TSHZ1: variants seen among roughly 807,000 people sequenced by gnomAD.
The protein encoded by TSHZ1 is teashirt homolog 1.
In TSHZ1, 12 loss-of-function variants were observed where a neutral mutation model predicts 67.1. The observed-to-expected ratio is 0.18, with a 90% CI of 0.11 to 0.29. TSHZ1 has a LOEUF of 0.29. TSHZ1 is among the 10% of genes least tolerant of loss of function. TSHZ1 has a pLI of 1.00. For synonymous variants in TSHZ1, 632 were observed against 622.4 expected, an observed-to-expected ratio of 1.02 and a Z score of -0.23; for missense variants, 1,305 against 1,413.9, an observed-to-expected ratio of 0.92 and a Z score of 1.23.
intron 1 of TSHZ1, among the ~76,000 whole-genome samples, chr18:75,242,689 T>C (rs1010164632): frequency 1.3e-5 from 2 of 152,202 alleles, no homozygotes; most frequent in East Asian, 3.8e-4. Flanking sequence ...CTGTCGTTAT[T>C]AGATTTGGTA....
chr18:75,268,978 A>G (rs949611118), intron 1 of TSHZ1, among the ~76,000 whole-genome samples: 12 of 152,188 alleles, frequency 7.9e-5, no homozygotes, highest in Non-Finnish European at 1.6e-4. Context: ...GAGCCTTCAG[A>G]ACTTGGGAAG....
At chr18:75,240,455 G>T (rs2023139610) in intron 1 of TSHZ1, among the ~76,000 whole-genome samples, 1 of 151,944 alleles carries the variant, frequency 6.6e-6, no homozygotes, top group African/African-American at 2.4e-5. Flanking sequence ...CTAGGGGCCT[G>T]TGAGTACCCA....
chr18:75,263,687 A>G (rs1394141807), intron 1 of TSHZ1, among the ~76,000 whole-genome samples: 1 of 152,220 alleles, frequency 6.6e-6, no homozygotes, highest in Admixed American at 6.5e-5. Flanking sequence ...TACAGATACA[A>G]TAATTCAGTG....
chr18:75,240,491 G>A (rs778515673), intron 1 of TSHZ1, among the ~76,000 whole-genome samples: 25 of 152,052 alleles, frequency 1.6e-4, no homozygotes, highest in African/African-American at 1.9e-4. Flanking sequence ...CTTGTGTGCC[G>A]CGTCCTGCAG....
chr18:75,264,965 A>C (rs1271134879), intron 1 of TSHZ1, among the ~76,000 whole-genome samples: 1 of 152,200 alleles, frequency 6.6e-6, no homozygotes, highest in Non-Finnish European at 1.5e-5. Context: ...AGTTCAGCAC[A>C]AAACAAGTGT....
At chr18:75,231,477 A>G (rs891365881) in intron 1 of TSHZ1, among the ~76,000 whole-genome samples, 8 of 152,212 alleles carry the variant, frequency 5.3e-5, no homozygotes, top group Non-Finnish European at 1.2e-4. Flanking sequence ...AGACATTTCT[A>G]GATAGCTGTT....
chr18:75,216,295 A>G (rs1318636837), intron 1 of TSHZ1, among the ~76,000 whole-genome samples: 1 of 152,208 alleles, frequency 6.6e-6, no homozygotes, highest in East Asian at 1.9e-4. Flanking sequence ...ATGTATTTAA[A>G]AACATCTAGT....
At chr18:75,229,126 C>A (rs970137331) in intron 1 of TSHZ1, among the ~76,000 whole-genome samples, 5 of 152,232 alleles carry the variant, frequency 3.3e-5, no homozygotes, top group Admixed American at 1.3e-4. Context: ...GCTGCCCTGG[C>A]CTGCGTGCAG....
intron 1 of TSHZ1, among the ~76,000 whole-genome samples, chr18:75,233,170 T>C (rs1258236333): frequency 1.3e-5 from 2 of 152,242 alleles, no homozygotes; most frequent in Non-Finnish European, 2.9e-5. Flanking sequence ...TTTTCTCCCA[T>C]GTTCACATAT....
chr18:75,268,614 T>A lies in TSHZ1; in HGVS notation c.41-16834T>A, dbSNP rs17056767. 7.7e-3 allele frequency among the ~76,000 whole-genome samples: 1,167 copies of A among 152,284 alleles called. 19 individuals are homozygous for A. Among genetic ancestry groups the A allele is most frequent in the African/African-American group, 0.026 (1,085 of 41,542 alleles). On this transcript the variant is annotated intron_variant, in intron 1 of 1. Transcript: ENST00000580243. ...TCAGGGGAATGAAAGGAGGCTGAAT[T>A]GGACATTAGTACTGCAAATGACTGC...
At position 75,287,422 on chromosome 18, in the gene TSHZ1, C is replaced by A. The variant is rs1368032787; in HGVS notation, c.2015C>A (p.Pro672His). ...EKSSLAKAAS[P>H]IAKENKDFPK... is the part of the protein sequence containing the mutation. The stretch of plus-strand genomic sequence containing the variant: ...AGCTCCCTGGCCAAGGCTGCGTCCC[C>A]CATAGCAAAAGAGAATAAAGATTTC... The change falls in exon 2 of 2, where the codon CCC (proline) becomes CAC (histidine). Residue 672 changes from proline to histidine, a missense_variant. Pro to His is a moderately conservative substitution (Grantham distance 77). Coordinates refer to ENST00000580243, the MANE Select transcript of TSHZ1 (RefSeq NM_001308210.2). The surrounding 1 kb of genome is among the most constrained non-coding windows in gnomAD (Gnocchi z 5.0). 6.2e-7 allele frequency: 1 copy of A among 1,614,164 alleles called. No homozygotes were observed. The highest frequency in any genetic ancestry group is 2.2e-5 in the East Asian group (1 of 44,882).
chr18:75,272,449 G>A (rs1385740371), intron 1 of TSHZ1, among the ~76,000 whole-genome samples: 1 of 152,188 alleles, frequency 6.6e-6, no homozygotes, highest in Non-Finnish European at 1.5e-5. Flanking sequence ...GATTTCTTAG[G>A]ACTCTGCTAA....
At chr18:75,247,691 A>G (rs952009257) in intron 1 of TSHZ1, among the ~76,000 whole-genome samples, 2 of 152,146 alleles carry the variant, frequency 1.3e-5, no homozygotes, top group African/African-American at 2.4e-5. Flanking sequence ...CGTATTTGGT[A>G]TAATTAGAAG....
At chr18:75,212,410 CT>C (rs5826369) in intron 1 of TSHZ1, among the ~76,000 whole-genome samples, 91,879 of 151,648 alleles carry the variant, frequency 0.61, 28,431 homozygotes, top group South Asian at 0.69. Context: ...CCCGCCCCCA[CT>C]TTTTTTTTAT....
At chr18:75,246,410 G>GTGTGTGTGTGTGTGTGTGTGTGTGTA (rs2023223931) in intron 1 of TSHZ1, among the ~76,000 whole-genome samples, 1 of 137,742 alleles carries the variant, frequency 7.3e-6, no homozygotes, top group South Asian at 2.3e-4. Context: ...TCTGGTGTGT[G>GTGTGTGTGTGTGTGTGTGTGTGTGTA]TGTGTGTGTG....
chr18:75,237,787 C>CTTTAATT (rs2023094301), intron 1 of TSHZ1, among the ~76,000 whole-genome samples: 1 of 104,282 alleles, frequency 9.6e-6, no homozygotes, highest in African/African-American at 3.0e-5. Flanking sequence ...AGCCTTCTTT[C>CTTTAATT]TTTCATTTAT....
intron 1 of TSHZ1, among the ~76,000 whole-genome samples, chr18:75,254,023 G>A (rs1256211417): frequency 3.9e-5 from 6 of 152,220 alleles, no homozygotes; most frequent in Non-Finnish European, 5.9e-5. Flanking sequence ...TGGGCCTGGC[G>A]TAGCATTGAC....
At chr18:75,260,143 C>T (rs1456181940) in intron 1 of TSHZ1, among the ~76,000 whole-genome samples, 1 of 152,250 alleles carries the variant, frequency 6.6e-6, no homozygotes, top group Admixed American at 6.5e-5. Context: ...GGCCTGGCCC[C>T]GGAGGGGTTC....
At chr18:75,268,548 G>C (rs931562347) in intron 1 of TSHZ1, among the ~76,000 whole-genome samples, 1 of 152,192 alleles carries the variant, frequency 6.6e-6, no homozygotes, top group East Asian at 1.9e-4. Context: ...AAACAGCGCA[G>C]CTTCCCCGTG....
Sources: allele counts gnomAD v4.1 joint callset (sites outside exome capture counted in the v4.1 genomes callset), GRCh38; gene constraint gnomAD v4.1.1; non-coding constraint Gnocchi (gnomAD v3.1); transcripts MANE v1.5; gene names NCBI Gene and HGNC (gene_info 2026-07-23, HGNC 2026-07-21).